KHDRBS2: variants seen among roughly 807,000 people sequenced by gnomAD.
The protein encoded by KHDRBS2 is KH RNA binding domain containing, signal transduction associated 2.
KHDRBS2 carries 26 observed loss-of-function variants against 44.3 expected under a neutral mutation model. The ratio of observed to expected loss-of-function variants is 0.59; its 90% CI spans 0.43 to 0.81. The LOEUF (loss-of-function observed/expected upper bound fraction) is 0.81. Among genes scored for constraint, KHDRBS2 ranks in the 40% least tolerant of loss-of-function variants. The pLI is 0.00. For synonymous variants in KHDRBS2, 194 were observed against 151.1 expected, an observed-to-expected ratio of 1.28 and a Z score of -2.08; for missense variants, 476 against 433.1, an observed-to-expected ratio of 1.10 and a Z score of -0.88.
At chr6:61,918,358 C>T (rs1017908335) in intron 4 of KHDRBS2, among the ~76,000 whole-genome samples, 7 of 151,892 alleles carry the variant, frequency 4.6e-5, no homozygotes, top group African/African-American at 1.7e-4. Flanking sequence ...TTATGTCCCC[C>T]TCCCAAATTC....
chr6:62,126,856 G>C (rs1487448903), intron 2 of KHDRBS2, among the ~76,000 whole-genome samples: 2 of 152,136 alleles, frequency 1.3e-5, no homozygotes, highest in Non-Finnish European at 2.9e-5. Context: ...CTTCAGTTTA[G>C]CTTTAGAACC....
intron 8 of KHDRBS2, among the ~76,000 whole-genome samples, chr6:61,691,241 A>G (rs181080411): frequency 4.6e-5 from 7 of 152,258 alleles, no homozygotes; most frequent in African/African-American, 9.6e-5. Flanking sequence ...TTGAACCTAA[A>G]ATAAGCAATA....
intron 1 of KHDRBS2, among the ~76,000 whole-genome samples, chr6:62,284,647 T>C (rs1391886063): frequency 2.0e-5 from 3 of 152,166 alleles, no homozygotes; most frequent in African/African-American, 7.2e-5. Context: ...GAAAACAGTT[T>C]AGTTATTTCA....
intron 1 of KHDRBS2, among the ~76,000 whole-genome samples, chr6:62,279,019 G>A (rs1159490530): frequency 5.3e-5 from 8 of 152,208 alleles, no homozygotes; most frequent in South Asian, 4.1e-4. Flanking sequence ...GCCTGAACCC[G>A]GGAGGCGGAG....
In KHDRBS2 at chr6:62,281,928, G is replaced by A. The variant is rs2150197197; in HGVS notation, c.91+3930C>T. Among the ~76,000 whole-genome samples the A allele has an allele frequency of 2.0e-5, 3 of 152,156 alleles. No homozygotes were observed. The East Asian group carries it at 5.8e-4, about 29-fold the overall frequency. ...CTTAATTGAAGATCAAAGATAACTT[G>A]AATTTAATTTTTTGCCCATGTTTGT... On this transcript the variant is annotated intron_variant, in intron 1 of 8. Coordinates refer to ENST00000281156, the MANE Select transcript of KHDRBS2 (RefSeq NM_152688.4).
intron 6 of KHDRBS2, among the ~76,000 whole-genome samples, chr6:61,768,959 A>G (rs1780412447): frequency 6.6e-6 from 1 of 152,088 alleles, no homozygotes; most frequent in African/African-American, 2.4e-5. Flanking sequence ...GTATATCTGT[A>G]TCATTTTCCT....
At chr6:62,229,168 C>T (rs1367537266) in intron 1 of KHDRBS2, among the ~76,000 whole-genome samples, 1 of 152,092 alleles carries the variant, frequency 6.6e-6, no homozygotes, top group African/African-American at 2.4e-5. Context: ...GGCTTATGCC[C>T]AGGGAGATCA....
chr6:61,576,220 GA>G, the KHDRBS2 span, among the ~76,000 whole-genome samples: 2 of 152,150 alleles, frequency 1.3e-5, no homozygotes, highest in Non-Finnish European at 2.9e-5. Flanking sequence ...CTATGAGTGT[GA>G]AATGTTGGTT....
chr6:61,983,167 T>C (rs1254704273), intron 3 of KHDRBS2, among the ~76,000 whole-genome samples: 2 of 142,654 alleles, frequency 1.4e-5, no homozygotes, highest in Non-Finnish European at 3.1e-5. Flanking sequence ...TCAGATGTGA[T>C]CAGGCAATTT....
intron 1 of KHDRBS2, among the ~76,000 whole-genome samples, chr6:62,274,125 G>A (rs895195918): frequency 2.0e-5 from 3 of 151,934 alleles, no homozygotes; most frequent in Non-Finnish European, 1.5e-5. Flanking sequence ...TAGTAGACAC[G>A]GGGTTTAACC....
chr6:61,744,332 T>C (rs1287703799), intron 6 of KHDRBS2, among the ~76,000 whole-genome samples: 1 of 152,068 alleles, frequency 6.6e-6, no homozygotes, highest in Non-Finnish European at 1.5e-5. Context: ...GTGGGTTATA[T>C]TGCAGGGTAG....
At chr6:61,668,269 A>G in the KHDRBS2 span, among the ~76,000 whole-genome samples, 1 of 151,036 alleles carries the variant, frequency 6.6e-6, no homozygotes, top group Non-Finnish European at 1.5e-5. Flanking sequence ...CTATTTTTTA[A>G]TATCTCTGGA....
At chr6:62,071,557 A>G (rs1795094072) in intron 2 of KHDRBS2, among the ~76,000 whole-genome samples, 1 of 152,138 alleles carries the variant, frequency 6.6e-6, no homozygotes, top group Non-Finnish European at 1.5e-5. Context: ...CTTTCCACAT[A>G]TGGCTAGCCA....
chr6:61,938,507 T>C (rs1292561400), intron 4 of KHDRBS2, among the ~76,000 whole-genome samples: 1 of 152,132 alleles, frequency 6.6e-6, no homozygotes, highest in African/African-American at 2.4e-5. Context: ...TTTTTGAACT[T>C]TGTTTATTGA....
chr6:61,932,655 C>A (rs1583576741), intron 4 of KHDRBS2, among the ~76,000 whole-genome samples: 1 of 152,076 alleles, frequency 6.6e-6, no homozygotes, highest in Non-Finnish European at 1.5e-5. Flanking sequence ...AAAAAATTAG[C>A]CGGGCGTGGT....
intron 2 of KHDRBS2, among the ~76,000 whole-genome samples, chr6:62,061,317 G>T (rs1791801054): frequency 6.6e-6 from 1 of 151,750 alleles, no homozygotes; most frequent in African/African-American, 2.4e-5. Context: ...GGTACCGGTT[G>T]TTCCTTTCCA....
At chr6:61,584,453 A>G in the KHDRBS2 span, among the ~76,000 whole-genome samples, 1 of 151,804 alleles carries the variant, frequency 6.6e-6, no homozygotes, top group Non-Finnish European at 1.5e-5. Flanking sequence ...TTATTATATG[A>G]CCTTTCTTCC....
intron 6 of KHDRBS2, among the ~76,000 whole-genome samples, chr6:61,853,763 G>A (rs958441892): frequency 1.7e-4 from 26 of 152,176 alleles, no homozygotes; most frequent in African/African-American, 5.8e-4. Flanking sequence ...CAAGGTGGAT[G>A]GTTTTTGGGC....
At chr6:61,788,132 C>A (rs1167640714) in intron 6 of KHDRBS2, among the ~76,000 whole-genome samples, 1 of 151,470 alleles carries the variant, frequency 6.6e-6, no homozygotes, top group Non-Finnish European at 1.5e-5. Context: ...AAATAATGGT[C>A]TCATATGTTG....
Sources: gnomAD v4.1 joint callset for allele counts (sites outside exome capture counted in the v4.1 genomes callset) on GRCh38, gnomAD v4.1.1 for gene constraint, MANE v1.5 for transcripts, NCBI Gene and HGNC (gene_info 2026-07-23, HGNC 2026-07-21) for gene names.